Variants in MACROD2 observed in about 807,000 individuals in gnomAD.
MACROD2 encodes ADP-ribose glycohydrolase MACROD2.
MACROD2 carries 36 observed loss-of-function variants against 70.4 expected under a neutral mutation model. The ratio of observed to expected loss-of-function variants is 0.51; its 90% CI spans 0.39 to 0.68. The LOEUF is 0.68. Among genes scored for constraint, MACROD2 ranks in the 30% least tolerant of loss-of-function variants. The pLI is 0.00. For synonymous variants in MACROD2, 172 were observed against 178.8 expected, an observed-to-expected ratio of 0.96 and a Z score of 0.30; for missense variants, 496 against 538.4, an observed-to-expected ratio of 0.92 and a Z score of 0.78.
At chr20:14,848,835 G>T (rs929830480) in intron 5 of MACROD2, among the ~76,000 whole-genome samples, 2 of 152,054 alleles carry the variant, frequency 1.3e-5, no homozygotes, top group African/African-American at 4.8e-5. Flanking sequence ...TTTACCTCTT[G>T]GGAGAGTTTG....
At chr20:15,315,193 GACTTGTATATACAC>G (rs998680968) in intron 6 of MACROD2, among the ~76,000 whole-genome samples, 5 of 152,144 alleles carry the variant, frequency 3.3e-5, no homozygotes, top group Non-Finnish European at 7.4e-5. Flanking sequence ...GTAATACACT[GACTTGTATATACAC>G]CTAAAGCATA....
At chr20:14,981,149 A>T (rs944859073) in intron 5 of MACROD2, among the ~76,000 whole-genome samples, 3 of 151,966 alleles carry the variant, frequency 2.0e-5, no homozygotes, top group Non-Finnish European at 4.4e-5. Context: ...AAGGATCCCC[A>T]TCATCGCGTT....
intron 4 of MACROD2, among the ~76,000 whole-genome samples, chr20:14,649,423 T>C (rs529464827): frequency 3.9e-5 from 6 of 152,242 alleles, no homozygotes; most frequent in Non-Finnish European, 8.8e-5. Context: ...AGGGAGAGCA[T>C]CTCCGTTGCT....
chr20:14,675,740 A>G (rs2070852390), intron 4 of MACROD2, among the ~76,000 whole-genome samples: 1 of 152,190 alleles, frequency 6.6e-6, no homozygotes, highest in African/African-American at 2.4e-5. Context: ...AAATGCCCCA[A>G]TTAAAAGACA....
At position 15,068,262 on chromosome 20, in the gene MACROD2, TGACTTCTAA is replaced by T. The variant is rs1292103087; in HGVS notation, c.419-161677_419-161669del. Among the ~76,000 whole-genome samples the T allele has an allele frequency of 1.3e-5, 2 of 152,202 alleles. 1 individual carries two copies. The highest frequency in any genetic ancestry group is 4.8e-5 in the African/African-American group (2 of 41,450). On this transcript the variant is annotated intron_variant, in intron 5 of 17. Coordinates refer to ENST00000684519, the MANE Select transcript of MACROD2 (RefSeq NM_001351661.2). ...CATATTTTAGAAGTCATAATTGTAA[TGACTTCTAA>T]AATATATCACATGACTACTTGTGAT...
intron 6 of MACROD2, among the ~76,000 whole-genome samples, chr20:15,349,571 A>G (rs1217712644): frequency 1.3e-5 from 2 of 151,992 alleles, no homozygotes; most frequent in Non-Finnish European, 2.9e-5. Context: ...CCTGACCAAC[A>G]TGGTGAAACC....
chr20:15,820,833 T>C (rs2063930868), intron 8 of MACROD2, among the ~76,000 whole-genome samples: 1 of 152,204 alleles, frequency 6.6e-6, no homozygotes, highest in Non-Finnish European at 1.5e-5. Context: ...TAATTTGTAT[T>C]CATGCTATAT....
rs11468344 is a variant in MACROD2, at chr20:15,659,304, C to CT, written c.645+159486dup. ...ATCAAAAGCTTGCAAGATAGCACAGCTTTTTTTTTTTTTTTTTTTTTTTTT... is the reference window on the plus strand; with the variant it reads ...ATCAAAAGCTTGCAAGATAGCACAGCTTTTTTTTTTTTTTTTTTTTTTTTTT... On this transcript the variant is annotated intron_variant, in intron 8 of 17. Transcript: ENST00000684519. Among the ~76,000 whole-genome samples, 192 of 67,266 alleles carry CT rather than the reference C, an allele frequency of 2.9e-3. 32 individuals carry two copies. The highest frequency in any genetic ancestry group is 9.8e-3 in the African/African-American group (162 of 16,512). 44.1% of individuals were successfully genotyped at this position (67,266 alleles called of 152,430 possible).
chr20:15,911,327 C>T (rs530788698), intron 10 of MACROD2, among the ~76,000 whole-genome samples: 18 of 152,238 alleles, frequency 1.2e-4, no homozygotes, highest in South Asian at 1.0e-3. Flanking sequence ...TCTAGTTCGT[C>T]GTCAGTAAAT....
chr20:15,656,908 A>G, intron 8 of MACROD2, among the ~76,000 whole-genome samples: 1 of 152,306 alleles, frequency 6.6e-6, no homozygotes, highest in Middle Eastern at 3.4e-3. Flanking sequence ...AAAAGAAGGA[A>G]TAATTTATTA....
chr20:14,839,336 G>T (rs547497595), intron 5 of MACROD2, among the ~76,000 whole-genome samples: 1 of 152,066 alleles, frequency 6.6e-6, no homozygotes, highest in Admixed American at 6.6e-5. Context: ...ATGAGAGATC[G>T]CATGAAAGAA....
intron 15 of MACROD2, among the ~76,000 whole-genome samples, chr20:16,038,607 G>A (rs10485544): frequency 0.13 from 19,089 of 150,962 alleles, 1,190 homozygotes; most frequent in Middle Eastern, 0.16. Context: ...CTACTTTGCC[G>A]TAAAAATTAT....
intron 5 of MACROD2, among the ~76,000 whole-genome samples, chr20:14,751,456 T>G (rs1193751705): frequency 6.6e-6 from 1 of 152,144 alleles, no homozygotes; most frequent in African/African-American, 2.4e-5. Context: ...AACTGATCTG[T>G]ACCAATTAGT....
chr20:14,492,230 G>A (rs1000041564), intron 3 of MACROD2, among the ~76,000 whole-genome samples: 1 of 152,152 alleles, frequency 6.6e-6, no homozygotes, highest in Non-Finnish European at 1.5e-5. Context: ...AGTGAGTTTT[G>A]TTTATGGTTG....
chr20:14,424,240 G>A (rs6110284), intron 3 of MACROD2, among the ~76,000 whole-genome samples: 45,428 of 151,818 alleles, frequency 0.3, 7,916 homozygotes, highest in South Asian at 0.59. Context: ...TATATTTTTT[G>A]TATAAAATTA....
chr20:15,664,140 C>A (rs6110714), intron 8 of MACROD2, among the ~76,000 whole-genome samples: 17,293 of 152,238 alleles, frequency 0.11, 1,399 homozygotes, highest in East Asian at 0.36. Flanking sequence ...CAGCTTGAGT[C>A]TGCACCTAGA....
chr20:15,965,355 G>A (rs528090751), intron 12 of MACROD2, among the ~76,000 whole-genome samples: 13 of 152,172 alleles, frequency 8.5e-5, no homozygotes, highest in Non-Finnish European at 1.0e-4. Context: ...AATGCTTTTC[G>A]CCCATCTTAT....
intron 5 of MACROD2, among the ~76,000 whole-genome samples, chr20:15,165,761 A>G (rs995718193): frequency 5.5e-4 from 84 of 152,316 alleles, no homozygotes; most frequent in African/African-American, 1.9e-3. Flanking sequence ...CCCAAACCCA[A>G]CAAAGGCAGT....
intron 8 of MACROD2, among the ~76,000 whole-genome samples, chr20:15,671,903 G>T (rs924509473): frequency 6.6e-6 from 1 of 152,132 alleles, no homozygotes; most frequent in Non-Finnish European, 1.5e-5. Context: ...ATTTCATTTT[G>T]TCCTGGCGTG....
Sources: allele counts gnomAD v4.1 joint callset (sites outside exome capture counted in the v4.1 genomes callset), GRCh38; gene constraint gnomAD v4.1.1; transcripts MANE v1.5; gene names NCBI Gene and HGNC (gene_info 2026-07-23, HGNC 2026-07-21).